The following CYP7B1 variants were observed in gnomAD, a reference collection of about 807,000 sequenced individuals.
CYP7B1 encodes the protein cytochrome P450 7B1.
Under a neutral mutation model 42.7 loss-of-function variants are expected in CYP7B1, and 29 were observed. That is an observed-to-expected ratio of 0.68 (90% CI 0.51 to 0.93). The LOEUF (loss-of-function observed/expected upper bound fraction) is 0.93. CYP7B1 is among the 40% of genes least tolerant of loss of function. The pLI, the probability that CYP7B1 is intolerant of heterozygous loss-of-function variation, is 0.00. For missense variants in CYP7B1, 655 were observed against 600.5 expected (o/e 1.09, Z -0.95); for synonymous variants, 235 against 218.2 (o/e 1.08, Z -0.68).
downstream of CYP7B1, among the ~76,000 whole-genome samples, chr8:64,586,828 T>A (rs1804974625): frequency 1.3e-5 from 2 of 152,360 alleles, no homozygotes; most frequent in South Asian, 4.1e-4. Flanking sequence ...CTGTGCTCTC[T>A]GTATTGGCAT....
Position 64,592,664 on chromosome 8 carries a change from G to A in CYP7B1, c.*3978C>T, listed in dbSNP as rs1430847862. 1.3e-5 allele frequency among the ~76,000 whole-genome samples: 2 copies of A among 152,190 alleles called. No homozygotes were observed. The highest frequency in any genetic ancestry group is 2.9e-5 in the Non-Finnish European group (2 of 68,026). On this transcript the variant is annotated 3_prime_UTR_variant, in exon 6 of 6. Transcript: ENST00000310193. ...AATTTTTTAAAGGCACAACACTGTT[G>A]AAGTATCTTCATTAAACTTTGCATT...
At chr8:64,703,461 T>C (rs911693826) in intron 1 of CYP7B1, among the ~76,000 whole-genome samples, 10 of 152,016 alleles carry the variant, frequency 6.6e-5, no homozygotes, top group Admixed American at 6.6e-5. Flanking sequence ...CTCTAAATCA[T>C]ATTTAATACC....
chr8:64,732,992 C>T (rs1426259282), intron 1 of CYP7B1: 2 of 152,236 alleles, frequency 1.3e-5, no homozygotes, highest in African/African-American at 2.4e-5. Flanking sequence ...AGAAACCAGG[C>T]CTACCTGGTT....
At chr8:64,615,378 T>C in intron 3 of CYP7B1, 146 bp from the exon 4 acceptor site, 1 of 877,176 alleles carries the variant, frequency 1.1e-6, no homozygotes. Context: ...TGAAGTCTAA[T>C]TTTCTGCTTA....
At chr8:64,790,176 A>G (rs1380559216) in intron 1 of CYP7B1, among the ~76,000 whole-genome samples, 1 of 152,230 alleles carries the variant, frequency 6.6e-6, no homozygotes, top group Non-Finnish European at 1.5e-5. Flanking sequence ...TCTTCTCTGA[A>G]TAACATTAAG....
rs115737605 is a variant in CYP7B1, at chr8:64,595,031, T to A, written c.*1611A>T. Among the ~76,000 whole-genome samples, 393 of 152,356 alleles carry A rather than the reference T, an allele frequency of 2.6e-3. 1 individual carries two copies. The highest frequency in any genetic ancestry group is 9.2e-3 in the African/African-American group (382 of 41,590). On this transcript the variant is annotated 3_prime_UTR_variant, in exon 6 of 6. Coordinates refer to ENST00000310193, the MANE Select transcript of CYP7B1 (RefSeq NM_004820.5). ...CAGAGAGAAGAGACAGACTACCTAT[T>A]GAGTAATTAAACTCACTAACGGCTA...
chr8:64,678,736 T>C (rs959681765), intron 1 of CYP7B1, among the ~76,000 whole-genome samples: 1 of 152,124 alleles, frequency 6.6e-6, no homozygotes, highest in African/African-American at 2.4e-5. Context: ...GAATATCCAG[T>C]GAGAACCATG....
At chr8:64,755,060 C>T (rs115766625) in intron 1 of CYP7B1, among the ~76,000 whole-genome samples, 5,843 of 152,090 alleles carry the variant, frequency 0.038, 380 homozygotes, top group African/African-American at 0.13. Context: ...TATGGTGAGG[C>T]CAGAGGGGAA....
intron 1 of CYP7B1, among the ~76,000 whole-genome samples, chr8:64,744,643 C>T (rs1472390589): frequency 1.3e-5 from 2 of 152,146 alleles, no homozygotes; most frequent in Non-Finnish European, 2.9e-5. Flanking sequence ...AGTTAACTGG[C>T]ACATATGATG....
chr8:64,696,033 C>T (rs1227867872), intron 1 of CYP7B1, among the ~76,000 whole-genome samples: 2 of 152,012 alleles, frequency 1.3e-5, no homozygotes, highest in African/African-American at 4.8e-5. Flanking sequence ...TTAATTCATT[C>T]CTCTGAGTTT....
intron 1 of CYP7B1, among the ~76,000 whole-genome samples, chr8:64,690,937 C>T (rs1027144866): frequency 6.6e-6 from 1 of 152,156 alleles, no homozygotes; most frequent in Non-Finnish European, 1.5e-5. Flanking sequence ...GAAGGGACTG[C>T]ACATGTGTAA....
intron 1 of CYP7B1, among the ~76,000 whole-genome samples, chr8:64,792,909 A>T (rs1804643842): frequency 6.6e-6 from 1 of 152,118 alleles, no homozygotes; most frequent in Admixed American, 6.5e-5. Flanking sequence ...GCTCAGAGGG[A>T]AGACTTTGTA....
At chr8:64,794,964 G>T (rs1804681654) in intron 1 of CYP7B1, among the ~76,000 whole-genome samples, 1 of 152,246 alleles carries the variant, frequency 6.6e-6, no homozygotes, top group African/African-American at 2.4e-5. Flanking sequence ...ATACTGGCAA[G>T]GATGTGGAGC....
chr8:64,793,190 G>A (rs986801401), intron 1 of CYP7B1, among the ~76,000 whole-genome samples: 1 of 152,056 alleles, frequency 6.6e-6, no homozygotes, highest in African/African-American at 2.4e-5. Flanking sequence ...AGAATTGTAA[G>A]TTAAAAATAA....
intron 1 of CYP7B1, among the ~76,000 whole-genome samples, chr8:64,764,229 G>GCTCCCCCCCCCCC (rs1554539986): frequency 3.2e-5 from 4 of 125,150 alleles, no homozygotes; most frequent in African/African-American, 1.2e-4. Flanking sequence ...CTTCCACGCT[G>GCTCCCCCCCCCCC]CCCCCCCCAC....
intron 1 of CYP7B1, among the ~76,000 whole-genome samples, chr8:64,739,897 TC>T (rs1453528395): frequency 2.6e-5 from 4 of 152,050 alleles, no homozygotes; most frequent in African/African-American, 9.6e-5. Context: ...AGGAAAAAAA[TC>T]AACTTAAAAT....
At position 64,774,696 on chromosome 8, in the gene CYP7B1, C is replaced by T. The variant is rs56235449; in HGVS notation, c.122+23770G>A. Among the ~76,000 whole-genome samples the T allele has an allele frequency of 5.5e-4, 83 of 152,208 alleles. No homozygotes were observed. In the Middle Eastern group the frequency reaches 0.017, roughly 31 times the overall value. ...ACCCCCTTAGTGGCAGAAATCGGAG[C>T]TTATTATCATTTCTACTTGCCTCAC... On this transcript the variant is annotated intron_variant, in intron 1 of 5. Coordinates refer to ENST00000310193, the MANE Select transcript of CYP7B1 (RefSeq NM_004820.5).
At chr8:64,728,180 T>C (rs185851784) in intron 1 of CYP7B1, 15 of 152,328 alleles carry the variant, frequency 9.8e-5, no homozygotes, top group Middle Eastern at 3.4e-3. Flanking sequence ...ATACAGCTCA[T>C]TGAGTTTTCT....
rs1805332239 is a variant in CYP7B1, at chr8:64,609,378, T to C, written c.1058-4521A>G. Among the ~76,000 whole-genome samples the C allele has an allele frequency of 3.3e-5, 5 of 152,312 alleles. No individual in the cohort carries two copies. In the South Asian group the frequency reaches 1.0e-3, roughly 32 times the overall value. The stretch of plus-strand genomic sequence containing the variant: ...CAATGATAGCATTCAGAAAGCCCAT[T>C]TTAGTAGAAAGCCATTTTTCATACT... On this transcript the variant is annotated intron_variant, in intron 4 of 5. Transcript: ENST00000310193.
Sources: allele counts gnomAD v4.1 joint callset (sites outside exome capture counted in the v4.1 genomes callset), GRCh38; gene constraint gnomAD v4.1.1; transcripts MANE v1.5; gene names NCBI Gene and HGNC (gene_info 2026-07-23, HGNC 2026-07-21).